Variants in TKTL1 observed in about 807,000 individuals in gnomAD.
TKTL1 encodes transketolase-like protein 1.
In TKTL1, 1 loss-of-function variant was observed where a neutral mutation model predicts 39.3. That is an observed-to-expected ratio of 0.03 (90% CI 0.01 to 0.12). The LOEUF (loss-of-function observed/expected upper bound fraction) is 0.12. Among genes scored for constraint, TKTL1 ranks in the 10% least tolerant of loss-of-function variants. The pLI, the probability that TKTL1 is intolerant of heterozygous loss-of-function variation, is 1.00. For missense variants in TKTL1, 575 were observed against 509.6 expected, an observed-to-expected ratio of 1.13 and a Z score of -1.24; for synonymous variants, 262 against 193.8, an observed-to-expected ratio of 1.35 and a Z score of -2.92.
chrX:154,305,696 G>GT (rs2067309798), intron 2 of TKTL1, among the ~76,000 whole-genome samples: 1 of 110,393 alleles, frequency 9.1e-6, no homozygotes, highest in Non-Finnish European at 1.9e-5. Flanking sequence ...CCATGGCAGG[G>GT]TTATGCTGCT....
In TKTL1 at chrX:154,312,642, A is replaced by G. The variant is rs1557168594; in HGVS notation, c.733A>G (p.Ile245Val). The change falls in exon 6 of 13, where the codon ATC becomes GTC. Residue 245 changes from isoleucine to valine, a missense_variant. Ile to Val is a conservative substitution (Grantham distance 29). Transcript: ENST00000369915. Reference sequence around the variant, plus strand: ...GCCGAGAGAAAGAGCAGATGCCATTATCAAATTAATTGAGAGCCAGATACA... The same window carrying G: ...GCCGAGAGAAAGAGCAGATGCCATTGTCAAATTAATTGAGAGCCAGATACA... ...PMPRERADAI[I>V]KLIESQIQTS... 1.3e-5 allele frequency: 16 copies of G among 1,211,690 alleles called. No individual in the cohort carries two copies. Among genetic ancestry groups the G allele is most frequent in the Admixed American group, 1.1e-4 (5 of 46,011 alleles).
In TKTL1 at chrX:154,301,479, T is replaced by C. The variant is rs782489974; in HGVS notation, c.135-3825T>C. ...TTGCAGTGAGCCGAGAGAGTGCCACTGTACTCCAGCCTGGGCAACAGAGTG... is the reference window on the plus strand; with the variant it reads ...TTGCAGTGAGCCGAGAGAGTGCCACCGTACTCCAGCCTGGGCAACAGAGTG... On this transcript the variant is annotated intron_variant, in intron 1 of 12. Transcript: ENST00000369915. Among the ~76,000 whole-genome samples, 301 of 112,199 alleles carry C rather than the reference T, an allele frequency of 2.7e-3. 1 individual carries two copies. Among genetic ancestry groups the C allele is most frequent in the Middle Eastern group, 0.014 (3 of 219 alleles).
chrX:154,313,818 C>A (rs1345864336), intron 6 of TKTL1, among the ~76,000 whole-genome samples: 1 of 108,949 alleles, frequency 9.2e-6, no homozygotes, highest in African/African-American at 3.4e-5. Flanking sequence ...AATATGGTTC[C>A]AGGTACTCTG....
In TKTL1 at chrX:154,295,868, T is replaced by A; in HGVS notation, c.9T>A (p.Asp3Glu). The change falls in exon 1 of 13, where the codon GAT (aspartate) becomes GAA (glutamate). Residue 3 changes from aspartate to glutamate, a missense_variant. Transcript: ENST00000369915. ...CCAAAGGGGTTGGACTAATGGCGGATGCTGAGGCGAGGGCTGAGTTCCCGG... is the reference window on the plus strand; with the variant it reads ...CCAAAGGGGTTGGACTAATGGCGGAAGCTGAGGCGAGGGCTGAGTTCCCGG... MA[D>E]AEARAEFPEE... 2 of 1,211,378 alleles carry A rather than the reference T, an allele frequency of 1.7e-6. No homozygotes were observed. Among genetic ancestry groups the A allele is most frequent in the Non-Finnish European group, 2.2e-6 (2 of 895,207 alleles).
In TKTL1 at chrX:154,304,821, G is replaced by A. The variant is rs186258085; in HGVS notation, c.135-483G>A. The A allele has an allele frequency of 3.5e-4, 104 of 297,782 alleles. 1 individual carries two copies. In the East Asian group the frequency reaches 8.1e-3, roughly 23 times the overall value. 24.5% of individuals were successfully genotyped at this position (297,782 alleles called of 1,213,427 possible). On this transcript the variant is annotated intron_variant, in intron 1 of 12. Coordinates refer to ENST00000369915, the MANE Select transcript of TKTL1 (RefSeq NM_012253.4). ...GCCTGGCTGGACTCACATGCAGGCC[G>A]CTTTCTAAGAGCAGCAGTTACTTTG...
At chrX:154,318,656 T>C (rs925667942) in intron 7 of TKTL1, among the ~76,000 whole-genome samples, 3 of 96,621 alleles carry the variant, frequency 3.1e-5, no homozygotes, top group Admixed American at 1.3e-4. Flanking sequence ...TGCAGTGAGC[T>C]GAGATTGCGC....
chrX:154,303,910 A>G (rs1421038131), intron 1 of TKTL1, among the ~76,000 whole-genome samples: 3 of 104,924 alleles, frequency 2.9e-5, no homozygotes, highest in African/African-American at 1.1e-4. Flanking sequence ...CATTTTCTAC[A>G]TGCATTTCTG....
chrX:154,320,019 C>T (rs954516642), intron 7 of TKTL1, among the ~76,000 whole-genome samples: 17 of 112,436 alleles, frequency 1.5e-4, no homozygotes, highest in African/African-American at 5.5e-4. Flanking sequence ...TGCGACTTCC[C>T]GAGGGTGCAC....
chrX:154,297,515 C>T (rs782606343), intron 1 of TKTL1, among the ~76,000 whole-genome samples: 2 of 111,510 alleles, frequency 1.8e-5, no homozygotes, highest in East Asian at 5.7e-4. Context: ...CTCGGCCTCC[C>T]AAAGTGCTGG....
intron 3 of TKTL1, among the ~76,000 whole-genome samples, chrX:154,309,837 T>G (rs1053061516): frequency 9.0e-6 from 1 of 110,622 alleles, no homozygotes; most frequent in Non-Finnish European, 1.9e-5. Flanking sequence ...CAGTTTCAAG[T>G]GATTCTCCTG....
In TKTL1 at chrX:154,325,354, C is replaced by A; in HGVS notation, c.1333C>A (p.Arg445=). 1 of 1,211,389 alleles carries A rather than the reference C, an allele frequency of 8.3e-7. No homozygotes were observed. The highest frequency in any genetic ancestry group is 1.1e-6 in the Non-Finnish European group (1 of 895,029). Reference sequence around the variant, plus strand: ...TATGCCCTAGGGGATGTGCTTCATTCGGACCACCCGACCAGAAACTATGGT... The same window carrying A: ...TATGCCCTAGGGGATGTGCTTCATTAGGACCACCCGACCAGAAACTATGGT... ...AANAKGMCFI[R]TTRPETMVIY... Residue 445 remains arginine, a synonymous_variant, in exon 10 of 13, where the codon CGG becomes AGG. Transcript: ENST00000369915.
intron 1 of TKTL1, among the ~76,000 whole-genome samples, chrX:154,304,723 G>A (rs1239190542): frequency 9.1e-6 from 1 of 109,696 alleles, no homozygotes; most frequent in Non-Finnish European, 1.9e-5. Context: ...TTTACTTGCA[G>A]TTGGGGCAGA....
At chrX:154,315,810 G>C (rs2067395004) in intron 7 of TKTL1, among the ~76,000 whole-genome samples, 1 of 112,415 alleles carries the variant, frequency 8.9e-6, no homozygotes, top group South Asian at 3.6e-4. Flanking sequence ...GAATATCAAT[G>C]CTTAGAGCTG....
At chrX:154,312,885 C>A (rs1331218884) in intron 6 of TKTL1, 112 bp downstream of exon 6, 3 of 706,091 alleles carry the variant, frequency 4.2e-6, no homozygotes, top group East Asian at 6.9e-5. Context: ...CATGGACGAA[C>A]CAATTACTAG....
intron 7 of TKTL1, among the ~76,000 whole-genome samples, chrX:154,320,056 C>T (rs916590660): frequency 5.3e-5 from 6 of 112,334 alleles, no homozygotes; most frequent in Admixed American, 4.7e-4. Flanking sequence ...GCCCCAGCAG[C>T]GCCCATGAGG....
chrX:154,304,229 G>A (rs1399413015), intron 1 of TKTL1, among the ~76,000 whole-genome samples: 1 of 111,222 alleles, frequency 9.0e-6, no homozygotes, highest in Non-Finnish European at 1.9e-5. Flanking sequence ...AGTGAATAAA[G>A]AACAAGGTAT....
rs781916188 is a variant in TKTL1 at position 154,310,821 on chromosome X, CTT to C, written c.351-14_351-13del. 26 of 1,202,680 alleles carry C rather than the reference CTT, an allele frequency of 2.2e-5. No homozygotes were observed. The highest frequency in any genetic ancestry group is 5.4e-5 in the South Asian group (3 of 55,819). ...ATCCCCCACAGGGTCCTAAACCTCT[CTT>C]GTCTTGCTCCAGCTACCGGGTGTTC... On this transcript the variant is annotated splice_polypyrimidine_tract_variant and intron_variant, in intron 3 of 12. Coordinates refer to ENST00000369915, the MANE Select transcript of TKTL1 (RefSeq NM_012253.4).
At chrX:154,313,297 C>T (rs1032751121) in intron 6 of TKTL1, among the ~76,000 whole-genome samples, 1 of 112,506 alleles carries the variant, frequency 8.9e-6, no homozygotes, top group African/African-American at 3.2e-5. Flanking sequence ...TTTGAACTTA[C>T]TCTCTGAATT....
rs1418349842 is a variant in TKTL1, at chrX:154,313,927, C to CT, written c.864+1155dup. Among the ~76,000 whole-genome samples the CT allele has an allele frequency of 8.0e-4, 81 of 101,305 alleles. 1 individual carries two copies. Among genetic ancestry groups the CT allele is most frequent in the African/African-American group, 3.2e-3 (81 of 24,976 alleles). 88.0% of individuals were successfully genotyped at this position (101,305 alleles called of 115,157 possible). A position where few individuals can be genotyped will look rare whatever the true frequency, so the allele number is the denominator to read the frequency against. The stretch of plus-strand genomic sequence containing the variant: ...CCAGCCTGGGCAACGGAGCGAGACT[C>CT]TGTCTCAAAAAAAAAAAAAAAGTTT... On this transcript the variant is annotated intron_variant, in intron 6 of 12. Coordinates refer to ENST00000369915, the MANE Select transcript of TKTL1 (RefSeq NM_012253.4).
Sources: gnomAD v4.1 joint callset for allele counts (sites outside exome capture counted in the v4.1 genomes callset) on GRCh38, gnomAD v4.1.1 for gene constraint, MANE v1.5 for transcripts, NCBI Gene and HGNC (gene_info 2026-07-23, HGNC 2026-07-21) for gene names.